ZNF766: variants seen among roughly 807,000 people sequenced by gnomAD.
ZNF766 encodes zinc finger protein 766.
ZNF766 carries 13 observed loss-of-function variants against 13.2 expected under a neutral mutation model. The observed-to-expected ratio is 0.98, with a 90% CI of 0.64 to 1.56. The LOEUF (loss-of-function observed/expected upper bound fraction) is 1.56. Ranked by LOEUF, ZNF766 falls within the 40% of genes most tolerant of loss-of-function variation. ZNF766 has a pLI of 0.00. For synonymous variants in ZNF766, 178 were observed against 187.6 expected, an observed-to-expected ratio of 0.95 and a Z score of 0.42; for missense variants, 521 against 552.2, an observed-to-expected ratio of 0.94 and a Z score of 0.57.
At chr19:52,286,377 G>A (rs1054950982) in intron 3 of ZNF766, among the ~76,000 whole-genome samples, 2 of 140,864 alleles carry the variant, frequency 1.4e-5, no homozygotes, top group African/African-American at 5.4e-5. Flanking sequence ...TCTTGACCTT[G>A]GCTCACTGCA....
chr19:52,292,199 C>T lies in ZNF766; in HGVS notation c.*1001C>T. ...ATCAGTAAGATGACAGGGCTGACTT[C>T]ATTAGATGAGGAGCGTTTCTATCCA... On this transcript the variant is annotated 3_prime_UTR_variant, in exon 4 of 4. Coordinates refer to ENST00000439461, the MANE Select transcript of ZNF766 (RefSeq NM_001010851.3). 1 of 702,666 alleles carries T rather than the reference C, an allele frequency of 1.4e-6. No individual in the cohort carries two copies. The highest frequency in any genetic ancestry group is 1.7e-5 in the African/African-American group (1 of 57,346). 43.5% of individuals were successfully genotyped at this position (702,666 alleles called of 1,614,324 possible). A position where few individuals can be genotyped will look rare whatever the true frequency, so the allele number is the denominator to read the frequency against.
chr19:52,276,208 G>A (rs145475635), intron 1 of ZNF766, among the ~76,000 whole-genome samples: 1 of 152,132 alleles, frequency 6.6e-6, no homozygotes, highest in East Asian at 1.9e-4. Context: ...GTTATTAAGC[G>A]ATGCGTGACT....
intron 1 of ZNF766, among the ~76,000 whole-genome samples, chr19:52,278,134 G>A (rs1439864749): frequency 1.3e-5 from 2 of 151,726 alleles, no homozygotes; most frequent in African/African-American, 2.4e-5. Flanking sequence ...CACCACGCCC[G>A]GCAATTTTTT....
At position 52,295,504 on chromosome 19, in the gene ZNF766, T is replaced by G. The variant is rs563942980; in HGVS notation, c.*4306T>G. 6.6e-6 allele frequency: 1 copy of G among 152,282 alleles called. No individual in the cohort carries two copies. Among genetic ancestry groups the G allele is most frequent in the South Asian group, 2.1e-4 (1 of 4,822 alleles). The allele number at this position is 152,282 out of a possible 1,614,324, so 9.4% of individuals were successfully genotyped here. A position where few individuals can be genotyped will look rare whatever the true frequency, so the allele number is the denominator to read the frequency against. On this transcript the variant is annotated 3_prime_UTR_variant, in exon 4 of 4. Transcript: ENST00000439461. Reference sequence around the variant, plus strand: ...CCGGCCAGATGCTATGCTTAATACATTTTTTCCGAATGTCACTCTAGTGAA... The same window carrying G: ...CCGGCCAGATGCTATGCTTAATACAGTTTTTCCGAATGTCACTCTAGTGAA...
At chr19:52,272,635 T>C (rs559567992) in intron 1 of ZNF766, among the ~76,000 whole-genome samples, 3 of 152,076 alleles carry the variant, frequency 2.0e-5, no homozygotes, top group Admixed American at 6.6e-5. Flanking sequence ...CCTGAGTAAT[T>C]TTTTTATTTT....
At chr19:52,280,439 T>G (rs1380818470) in intron 1 of ZNF766, among the ~76,000 whole-genome samples, 1 of 152,222 alleles carries the variant, frequency 6.6e-6, no homozygotes, top group Admixed American at 6.5e-5. Context: ...TCATCTGATG[T>G]GTAAATTGTA....
chr19:52,288,796 T>C (rs550022739), intron 3 of ZNF766, among the ~76,000 whole-genome samples: 12,846 of 151,630 alleles, frequency 0.085, 1,189 homozygotes, highest in African/African-American at 0.23. Flanking sequence ...CATTTTCCTT[T>C]ATATCAAGAT....
intron 2 of ZNF766, among the ~76,000 whole-genome samples, chr19:52,282,747 G>C (rs1417480688): frequency 6.6e-6 from 1 of 152,152 alleles, no homozygotes; most frequent in African/African-American, 2.4e-5. Flanking sequence ...ACACCTTTGG[G>C]TGGTACCTGG....
chr19:52,270,934 G>A (rs1877858885), intron 1 of ZNF766, among the ~76,000 whole-genome samples: 1 of 151,998 alleles, frequency 6.6e-6, no homozygotes, highest in African/African-American at 2.4e-5. Context: ...ACAGGCGCCC[G>A]CCAGCTCGCC....
At position 52,277,444 on chromosome 19, in the gene ZNF766, G is replaced by C. The variant is rs773806007; in HGVS notation, c.19-4667G>C. 11 of 1,526,232 alleles carry C rather than the reference G, an allele frequency of 7.2e-6. No individual in the cohort carries two copies. The South Asian group carries it at 1.3e-4, about 18-fold the overall frequency. The allele number at this position is 1,526,232 out of a possible 1,614,324, so 94.5% of individuals were successfully genotyped here. On this transcript the variant is annotated intron_variant, in intron 1 of 3. Coordinates refer to ENST00000439461, the MANE Select transcript of ZNF766 (RefSeq NM_001010851.3). The stretch of plus-strand genomic sequence containing the variant: ...ACGGCACTCCAGCCTGGGTGACAGA[G>C]TGAGACTCCGTCTCAAAAAAAAACA...
intron 1 of ZNF766, among the ~76,000 whole-genome samples, chr19:52,278,453 G>C (rs951028267): frequency 2.6e-5 from 4 of 151,994 alleles, no homozygotes; most frequent in African/African-American, 9.7e-5. Context: ...GCCCAGGCTG[G>C]AGTGCAATGG....
intron 1 of ZNF766, among the ~76,000 whole-genome samples, chr19:52,279,859 G>C (rs1981403917): frequency 8.4e-6 from 1 of 119,460 alleles, no homozygotes; most frequent in African/African-American, 3.3e-5. Context: ...GCAGTGGTGT[G>C]ATCTCGGCTC....
rs945490908 is a variant in ZNF766 at position 52,294,771 on chromosome 19, ACT to A, written c.*3576_*3577del. 6 of 151,144 alleles carry A rather than the reference ACT, an allele frequency of 4.0e-5. No homozygotes were observed. Among genetic ancestry groups the A allele is most frequent in the Admixed American group, 2.0e-4 (3 of 15,152 alleles). 9.4% of individuals were successfully genotyped at this position (151,144 alleles called of 1,614,324 possible). On this transcript the variant is annotated 3_prime_UTR_variant, in exon 4 of 4. Transcript: ENST00000439461. ...GCTCCTGCCATCTTGGTTAGGAAAG[ACT>A]CTGATTTTCTTCATGATAATATCTT... is the stretch of plus-strand genomic sequence containing the variant.
At chr19:52,287,245 C>T (rs918733795) in intron 3 of ZNF766, among the ~76,000 whole-genome samples, 3 of 151,336 alleles carry the variant, frequency 2.0e-5, no homozygotes, top group Non-Finnish European at 1.5e-5. Flanking sequence ...CGGGTTCAAG[C>T]GGTTCTCCTG....
chr19:52,270,236 C>A (rs756056903), intron 1 of ZNF766, among the ~76,000 whole-genome samples: 1 of 152,012 alleles, frequency 6.6e-6, no homozygotes, highest in African/African-American at 2.4e-5. Context: ...TATTCCAGTC[C>A]CCTCCCTGTG....
At chr19:52,284,200 C>T (rs2657932) in intron 3 of ZNF766, among the ~76,000 whole-genome samples, 17,243 of 152,200 alleles carry the variant, frequency 0.11, 1,491 homozygotes, top group African/African-American at 0.24. Context: ...GAGAGCGCTG[C>T]TTCAAAGGAG....
intron 1 of ZNF766, among the ~76,000 whole-genome samples, chr19:52,269,950 G>T (rs1321644634): frequency 6.6e-6 from 1 of 152,148 alleles, no homozygotes; most frequent in South Asian, 2.1e-4. Context: ...CCCAAGCCTC[G>T]TCCTTGTCGG....
intron 1 of ZNF766, among the ~76,000 whole-genome samples, chr19:52,276,910 C>G (rs968269724): frequency 6.6e-6 from 1 of 152,162 alleles, no homozygotes; most frequent in Non-Finnish European, 1.5e-5. Context: ...CTTAGTCCAG[C>G]CCAGCTCCCC....
At chr19:52,282,929 T>C (rs1450589378) in intron 2 of ZNF766, among the ~76,000 whole-genome samples, 3 of 152,202 alleles carry the variant, frequency 2.0e-5, no homozygotes, top group African/African-American at 4.8e-5. Flanking sequence ...GTGAAATGTT[T>C]TTCTTGAATT....
Sources: allele counts gnomAD v4.1 joint callset (sites outside exome capture counted in the v4.1 genomes callset), GRCh38; gene constraint gnomAD v4.1.1; transcripts MANE v1.5; gene names NCBI Gene and HGNC (gene_info 2026-07-23, HGNC 2026-07-21).